LINGO2: variants seen among roughly 807,000 people sequenced by gnomAD.
The protein encoded by LINGO2 is leucine-rich repeat and immunoglobulin-like domain-containing nogo receptor-interacting protein 2.
A neutral mutation model predicts 30.6 loss-of-function variants in LINGO2; 14 were observed. The ratio of observed to expected loss-of-function variants is 0.46; its 90% CI spans 0.30 to 0.72. The LOEUF (loss-of-function observed/expected upper bound fraction) is 0.72. Ranked by LOEUF, LINGO2 falls within the 30% of genes least tolerant of loss-of-function variation. The pLI is 0.07. For missense variants in LINGO2, 729 were observed against 751.7 expected (o/e 0.97, Z 0.35); for synonymous variants, 317 against 288.5 (o/e 1.10, Z -1.00).
At chr9:29,105,821 T>G in the LINGO2 span, among the ~76,000 whole-genome samples, 1 of 152,186 alleles carries the variant, frequency 6.6e-6, no homozygotes, top group African/African-American at 2.4e-5. Flanking sequence ...ATCTAGGATC[T>G]AAGAGTGGTC....
At chr9:28,479,941 A>G (rs984018147) in intron 1 of LINGO2, among the ~76,000 whole-genome samples, 14 of 126,806 alleles carry the variant, frequency 1.1e-4, no homozygotes, top group African/African-American at 4.4e-4. Context: ...ATATATATAT[A>G]TATATATATA....
chr9:28,471,959 A>G (rs1469840566), intron 2 of LINGO2, among the ~76,000 whole-genome samples: 1 of 152,212 alleles, frequency 6.6e-6, no homozygotes, highest in Non-Finnish European at 1.5e-5. Flanking sequence ...AAACAAGTAT[A>G]AACTCTATTA....
chr9:28,492,353 G>A (rs1259000870), intron 1 of LINGO2, among the ~76,000 whole-genome samples: 1 of 152,146 alleles, frequency 6.6e-6, no homozygotes, highest in Non-Finnish European at 1.5e-5. Context: ...TAACTCGTAT[G>A]CTGAAAACCT....
At chr9:28,297,128 G>A (rs1823951279) in intron 3 of LINGO2, among the ~76,000 whole-genome samples, 1 of 152,094 alleles carries the variant, frequency 6.6e-6, no homozygotes, top group Admixed American at 6.6e-5. Flanking sequence ...ATTTTTGAAA[G>A]CTACTTGCTT....
intron 2 of LINGO2, among the ~76,000 whole-genome samples, chr9:28,396,092 T>C (rs953952276): frequency 1.3e-5 from 2 of 152,148 alleles, no homozygotes; most frequent in East Asian, 1.9e-4. Flanking sequence ...CAACTAGTTA[T>C]GGGGCACTTC....
chr9:28,732,574 T>C, the LINGO2 span, among the ~76,000 whole-genome samples: 1 of 151,812 alleles, frequency 6.6e-6, no homozygotes, highest in Non-Finnish European at 1.5e-5. Context: ...ACATAAACCA[T>C]AAGTGGAAGA....
At chr9:28,293,609 G>A (rs1345594368) in intron 4 of LINGO2, among the ~76,000 whole-genome samples, 1 of 152,078 alleles carries the variant, frequency 6.6e-6, no homozygotes, top group East Asian at 1.9e-4. Context: ...TTGATTGATG[G>A]TATTGTCCAA....
At position 28,537,844 on chromosome 9, in the gene LINGO2, A is replaced by G. The variant is rs183570197; in HGVS notation, c.-364-61819T>C. ...ATTGAAGAAAGATTGAGTCCTGAAA[A>G]AGTGTCAGTATCAAAAGTGTTAAAT... On this transcript the variant is annotated intron_variant, in intron 1 of 5. Coordinates refer to ENST00000379992, the Ensembl canonical transcript of LINGO2. Among the ~76,000 whole-genome samples, 6 of 151,888 alleles carry G rather than the reference A, an allele frequency of 4.0e-5. No homozygotes were observed. In the East Asian group the frequency reaches 1.2e-3, roughly 29 times the overall value.
chr9:29,089,953 A>G, the LINGO2 span, among the ~76,000 whole-genome samples: 3 of 152,032 alleles, frequency 2.0e-5, no homozygotes, highest in Non-Finnish European at 4.4e-5. Context: ...GTGGTTCTTG[A>G]TATTTGTTGA....
chr9:28,138,373 G>A (rs547995294), intron 4 of LINGO2, among the ~76,000 whole-genome samples: 59 of 152,270 alleles, frequency 3.9e-4, no homozygotes, highest in East Asian at 7.7e-4. Context: ...TATGGAATAC[G>A]GGAGGAAAAG....
At chr9:28,564,653 G>A (rs1334789438) in intron 1 of LINGO2, among the ~76,000 whole-genome samples, 1 of 151,996 alleles carries the variant, frequency 6.6e-6, no homozygotes, top group African/African-American at 2.4e-5. Context: ...TTGAATCTTA[G>A]GGCTCCAATG....
intron 4 of LINGO2, among the ~76,000 whole-genome samples, chr9:28,187,011 C>T (rs1819564487): frequency 6.6e-6 from 1 of 152,078 alleles, no homozygotes; most frequent in Admixed American, 6.6e-5. Flanking sequence ...CCTCTGACTA[C>T]AGTAGTGGGG....
At chr9:29,140,886 G>A in the LINGO2 span, among the ~76,000 whole-genome samples, 2 of 151,738 alleles carry the variant, frequency 1.3e-5, no homozygotes, top group Admixed American at 1.3e-4. Context: ...CAAAGTACTA[G>A]AAGAAAAAAA....
intron 1 of LINGO2, among the ~76,000 whole-genome samples, chr9:28,570,637 T>C (rs1021452091): frequency 1.3e-5 from 2 of 151,816 alleles, no homozygotes; most frequent in Non-Finnish European, 2.9e-5. Context: ...TGATTGACTA[T>C]CTACTTGGGG....
chr9:27,953,856 T>A (rs1819434536), intron 5 of LINGO2, among the ~76,000 whole-genome samples: 1 of 152,204 alleles, frequency 6.6e-6, no homozygotes, highest in African/African-American at 2.4e-5. Context: ...TGTACTCACA[T>A]TTGTATGAAC....
At chr9:28,753,827 G>T in the LINGO2 span, among the ~76,000 whole-genome samples, 1 of 151,952 alleles carries the variant, frequency 6.6e-6, no homozygotes, top group African/African-American at 2.4e-5. Context: ...AATACTCCAT[G>T]GAGGTGTCAT....
At chr9:28,553,906 T>C (rs1254776263) in intron 1 of LINGO2, among the ~76,000 whole-genome samples, 1 of 151,956 alleles carries the variant, frequency 6.6e-6, no homozygotes, top group Admixed American at 6.6e-5. Flanking sequence ...CTAAGCTTCA[T>C]AAGTGAAGGA....
chr9:28,208,818 A>G (rs1820497560), intron 4 of LINGO2, among the ~76,000 whole-genome samples: 1 of 151,976 alleles, frequency 6.6e-6, no homozygotes, highest in Non-Finnish European at 1.5e-5. Flanking sequence ...AGCTCACCTC[A>G]CACATGCTTC....
chr9:28,601,367 C>T (rs1255954397), intron 1 of LINGO2, among the ~76,000 whole-genome samples: 1 of 152,076 alleles, frequency 6.6e-6, no homozygotes, highest in Non-Finnish European at 1.5e-5. Flanking sequence ...GCCAGGTGCC[C>T]GCAAATCCTG....
Sources: allele counts gnomAD v4.1 joint callset (sites outside exome capture counted in the v4.1 genomes callset), GRCh38; gene constraint gnomAD v4.1.1; transcripts MANE v1.5; gene names NCBI Gene and HGNC (gene_info 2026-07-23, HGNC 2026-07-21).